Variants in LHPP observed in about 807,000 individuals in gnomAD.
LHPP encodes the protein phospholysine phosphohistidine inorganic pyrophosphate phosphatase.
Under a neutral mutation model 30.3 loss-of-function variants are expected in LHPP, and 24 were observed. That is an observed-to-expected ratio of 0.79 (90% CI 0.57 to 1.11). The LOEUF (loss-of-function observed/expected upper bound fraction) is 1.11, where lower values mean the gene tolerates loss of function less well. Ranked by LOEUF, LHPP falls within the 50% of genes most tolerant of loss-of-function variation. The pLI, the probability that LHPP is intolerant of heterozygous loss-of-function variation, is 0.00. For missense variants in LHPP, 356 were observed against 367.2 expected, an observed-to-expected ratio of 0.97 and a Z score of 0.25; for synonymous variants, 150 against 157.1, an observed-to-expected ratio of 0.95 and a Z score of 0.34.
At chr10:124,477,894 C>A (rs1336661641) in intron 1 of LHPP, among the ~76,000 whole-genome samples, 1 of 152,168 alleles carries the variant, frequency 6.6e-6, no homozygotes, top group Non-Finnish European at 1.5e-5. Context: ...CACCTGGTGG[C>A]CCCTCTGTGG....
At chr10:124,566,903 G>C (rs1158837937) in intron 6 of LHPP, among the ~76,000 whole-genome samples, 1 of 152,236 alleles carries the variant, frequency 6.6e-6, no homozygotes, top group African/African-American at 2.4e-5. Flanking sequence ...GCACATCCCT[G>C]TGAGCAGGGG....
intron 6 of LHPP, among the ~76,000 whole-genome samples, chr10:124,585,635 A>G (rs1182193244): frequency 6.6e-6 from 1 of 151,596 alleles, no homozygotes; most frequent in African/African-American, 2.4e-5. Context: ...AAAGAAAAAG[A>G]AAAAAAAGAA....
intron 2 of LHPP, among the ~76,000 whole-genome samples, chr10:124,485,249 A>G (rs1344672369): frequency 6.6e-6 from 1 of 152,114 alleles, no homozygotes; most frequent in Non-Finnish European, 1.5e-5. Context: ...CCTTTAGAAC[A>G]TGGTCTTCAA....
intron 6 of LHPP, among the ~76,000 whole-genome samples, chr10:124,609,899 G>A (rs1026800203): frequency 2.0e-5 from 3 of 152,216 alleles, no homozygotes; most frequent in African/African-American, 4.8e-5. Flanking sequence ...TCCCCCTGGC[G>A]GGCATTTGTC....
At chr10:124,581,768 T>TACAC (rs59904986) in intron 6 of LHPP, among the ~76,000 whole-genome samples, 11 of 100,822 alleles carry the variant, frequency 1.1e-4, no homozygotes, top group East Asian at 4.9e-4. Context: ...TATATGTATA[T>TACAC]ACACACACAC....
chr10:124,467,311 G>A (rs558757888), intron 1 of LHPP, among the ~76,000 whole-genome samples: 1 of 151,200 alleles, frequency 6.6e-6, no homozygotes, highest in South Asian at 2.1e-4. Flanking sequence ...CGGACATACG[G>A]GGTATTGTGG....
At chr10:124,546,464 G>T (rs1031909200) in intron 6 of LHPP, among the ~76,000 whole-genome samples, 1 of 152,148 alleles carries the variant, frequency 6.6e-6, no homozygotes, top group Non-Finnish European at 1.5e-5. Context: ...GTGCAGTGGC[G>T]CGATCTCGGC....
At chr10:124,542,400 C>T (rs1323688410) in intron 6 of LHPP, among the ~76,000 whole-genome samples, 1 of 152,214 alleles carries the variant, frequency 6.6e-6, no homozygotes, top group Non-Finnish European at 1.5e-5. Context: ...GAGGTTAGGA[C>T]CCACCTGAGG....
In LHPP at chr10:124,523,807, G is replaced by A. The variant is rs564186713; in HGVS notation, c.716+6536G>A. 6.6e-6 allele frequency among the ~76,000 whole-genome samples: 1 copy of A among 152,120 alleles called. No homozygotes were observed. The highest frequency in any genetic ancestry group is 2.4e-5 in the African/African-American group (1 of 41,398). ...CTTGGGAGCTCACCCCAAGTTCCTC[G>A]GGTACTCATCCTGGCAGTGCAGGGA... On this transcript the variant is annotated intron_variant, in intron 6 of 6. Coordinates refer to ENST00000368842, the MANE Select transcript of LHPP (RefSeq NM_022126.4). This position sits in a 1 kb window ranked among gnomAD's most constrained non-coding sequence, Gnocchi z 4.2.
At chr10:124,558,316 C>T (rs563321931) in intron 6 of LHPP, among the ~76,000 whole-genome samples, 173 of 152,332 alleles carry the variant, frequency 1.1e-3, no homozygotes, top group Non-Finnish European at 1.8e-3. Context: ...CTAGTTGGCA[C>T]TCCCAGTGGG....
At position 124,592,850 on chromosome 10, in the gene LHPP, CG is replaced by C. The variant is rs1469807933; in HGVS notation, c.717-20413del. 6.6e-6 allele frequency among the ~76,000 whole-genome samples: 1 copy of C among 152,234 alleles called. No individual in the cohort carries two copies. The highest frequency in any genetic ancestry group is 1.5e-5 in the Non-Finnish European group (1 of 68,044). On this transcript the variant is annotated intron_variant, in intron 6 of 6. Coordinates refer to ENST00000368842, the MANE Select transcript of LHPP (RefSeq NM_022126.4). This position sits in a 1 kb window ranked among gnomAD's most constrained non-coding sequence, Gnocchi z 6.2. Reference sequence around the variant, plus strand: ...AGGAATCGTCCAGGGCGCGGCAGCCCGCCAGGAGCCCGGGCAGCTTGGATGG... The same window carrying C: ...AGGAATCGTCCAGGGCGCGGCAGCCCCCAGGAGCCCGGGCAGCTTGGATGG...
intron 6 of LHPP, among the ~76,000 whole-genome samples, chr10:124,544,601 G>T (rs1354868158): frequency 6.6e-6 from 1 of 152,242 alleles, no homozygotes; most frequent in African/African-American, 2.4e-5. Flanking sequence ...CCTGCAGGAG[G>T]CCTGGCACCT....
At chr10:124,485,104 A>G (rs925992351) in intron 2 of LHPP, among the ~76,000 whole-genome samples, 13 of 152,176 alleles carry the variant, frequency 8.5e-5, no homozygotes, top group African/African-American at 3.1e-4. Context: ...GGGGCTCTCA[A>G]GAAGTGGCGG....
intron 5 of LHPP, among the ~76,000 whole-genome samples, chr10:124,511,528 A>G (rs566972423): frequency 2.6e-4 from 40 of 152,304 alleles, no homozygotes; most frequent in African/African-American, 9.4e-4. Flanking sequence ...AACTGGCAGA[A>G]TTCTCAACAT....
chr10:124,530,772 C>T (rs1408833253), intron 6 of LHPP, among the ~76,000 whole-genome samples: 1 of 152,238 alleles, frequency 6.6e-6, no homozygotes, highest in Non-Finnish European at 1.5e-5. Context: ...TCCTCTGCCA[C>T]CCTTCACGGG....
chr10:124,551,875 A>T (rs146533672), intron 6 of LHPP, among the ~76,000 whole-genome samples: 2,482 of 152,106 alleles, frequency 0.016, 52 homozygotes, highest in Admixed American at 0.062. Flanking sequence ...CGCACGCAGG[A>T]TGTCCGCAGG....
At chr10:124,574,292 G>A (rs556671630) in intron 6 of LHPP, among the ~76,000 whole-genome samples, 105 of 152,212 alleles carry the variant, frequency 6.9e-4, no homozygotes, top group Non-Finnish European at 1.4e-3. Context: ...GCTGGGGGGC[G>A]TGAGCCGGGA....
At chr10:124,585,723 C>T (rs72837400) in intron 6 of LHPP, among the ~76,000 whole-genome samples, 11,301 of 152,086 alleles carry the variant, frequency 0.074, 512 homozygotes, top group South Asian at 0.22. Context: ...CTCAGCCTCC[C>T]GAGCAGCAAG....
At chr10:124,564,555 C>T (rs551404588) in intron 6 of LHPP, among the ~76,000 whole-genome samples, 71 of 152,224 alleles carry the variant, frequency 4.7e-4, no homozygotes, top group East Asian at 9.7e-4. Flanking sequence ...TGCCCAGCCT[C>T]GGATTGTCAT....
Sources: gnomAD v4.1 joint callset for allele counts (sites outside exome capture counted in the v4.1 genomes callset) on GRCh38, gnomAD v4.1.1 for gene constraint, Gnocchi (gnomAD v3.1) non-coding constraint, MANE v1.5 for transcripts, NCBI Gene and HGNC (gene_info 2026-07-23, HGNC 2026-07-21) for gene names.